PIP4K2A: variants seen among roughly 807,000 people sequenced by gnomAD.
PIP4K2A encodes phosphatidylinositol-5-phosphate 4-kinase type 2 alpha.
Under a neutral mutation model 42.9 loss-of-function variants are expected in PIP4K2A, and 14 were observed. The observed-to-expected ratio is 0.33, with a 90% CI of 0.22 to 0.51. The LOEUF is 0.51. Among genes scored for constraint, PIP4K2A ranks in the 20% least tolerant of loss-of-function variants. The pLI is 0.97. For synonymous variants in PIP4K2A, 192 were observed against 192.2 expected, an observed-to-expected ratio of 1.00 and a Z score of 0.01; for missense variants, 434 against 519.8, an observed-to-expected ratio of 0.83 and a Z score of 1.61.
intron 6 of PIP4K2A, among the ~76,000 whole-genome samples, chr10:22,557,492 G>A (rs1836582226): frequency 6.6e-6 from 1 of 152,168 alleles, no homozygotes; most frequent in South Asian, 2.1e-4. Context: ...ACGTGTATGT[G>A]TACATATGTG....
intron 1 of PIP4K2A, among the ~76,000 whole-genome samples, chr10:22,657,268 T>C (rs958536411): frequency 9.2e-5 from 14 of 152,210 alleles, no homozygotes; most frequent in Non-Finnish European, 1.3e-4. Flanking sequence ...CCCTCTGCAA[T>C]GGGATGCCTT....
At chr10:22,554,821 C>T (rs553492251) in intron 6 of PIP4K2A, among the ~76,000 whole-genome samples, 69 of 152,334 alleles carry the variant, frequency 4.5e-4, no homozygotes, top group Non-Finnish European at 6.5e-4. Flanking sequence ...CTCCTCTGTG[C>T]GTCTAGTCCT....
intron 1 of PIP4K2A, among the ~76,000 whole-genome samples, chr10:22,653,545 C>G (rs1045028583): frequency 2.1e-4 from 32 of 152,188 alleles, no homozygotes; most frequent in Non-Finnish European, 4.6e-4. Context: ...GGGAGGCAGA[C>G]AGAAGAAAGG....
At chr10:22,560,360 C>T (rs1005137640) in intron 6 of PIP4K2A, among the ~76,000 whole-genome samples, 2 of 152,158 alleles carry the variant, frequency 1.3e-5, no homozygotes, top group African/African-American at 4.8e-5. Context: ...CACCTCACTT[C>T]AATGGCAGCC....
intron 1 of PIP4K2A, among the ~76,000 whole-genome samples, chr10:22,713,547 G>A (rs1473510665): frequency 6.6e-6 from 1 of 152,232 alleles, no homozygotes; most frequent in Non-Finnish European, 1.5e-5. Context: ...CCCGACGCCA[G>A]AGCCATATTT....
intron 6 of PIP4K2A, among the ~76,000 whole-genome samples, chr10:22,559,562 G>A (rs960768555): frequency 9.2e-5 from 14 of 152,070 alleles, no homozygotes; most frequent in Non-Finnish European, 1.9e-4. Context: ...TACCAGTTAC[G>A]AGATATTCTA....
chr10:22,655,442 C>T (rs190825016), intron 1 of PIP4K2A, among the ~76,000 whole-genome samples: 7 of 152,240 alleles, frequency 4.6e-5, no homozygotes, highest in African/African-American at 9.7e-5. Context: ...ACAAGCCTGA[C>T]GCCCCATATT....
At chr10:22,713,985 G>T in intron 1 of PIP4K2A, 198 bp downstream of exon 1, 1 of 521,052 alleles carries the variant, frequency 1.9e-6, no homozygotes, top group Non-Finnish European at 3.4e-6. Context: ...TAAAGGGGAC[G>T]CAAGTGGTGG....
At chr10:22,549,856 A>G (rs1836356774) in intron 7 of PIP4K2A, among the ~76,000 whole-genome samples, 1 of 80,262 alleles carries the variant, frequency 1.2e-5, no homozygotes, top group African/African-American at 4.1e-5. Flanking sequence ...AAAAAAAAAA[A>G]AAAAAAAAAA....
intron 4 of PIP4K2A, among the ~76,000 whole-genome samples, chr10:22,576,926 T>TAGCC (rs1396659592): frequency 6.6e-6 from 1 of 151,718 alleles, no homozygotes; most frequent in Non-Finnish European, 1.5e-5. Context: ...ATACAAAAAT[T>TAGCC]AGCCAGATGT....
chr10:22,597,118 G>A (rs758540916), intron 3 of PIP4K2A, among the ~76,000 whole-genome samples: 2 of 152,230 alleles, frequency 1.3e-5, no homozygotes, highest in Non-Finnish European at 2.9e-5. Flanking sequence ...ATTAACATGT[G>A]TACAAAGCTA....
At chr10:22,589,375 A>G (rs1270258569) in intron 4 of PIP4K2A, among the ~76,000 whole-genome samples, 3 of 152,250 alleles carry the variant, frequency 2.0e-5, no homozygotes, top group Admixed American at 6.5e-5. Flanking sequence ...CCTCACAGGT[A>G]GCATCCTGGC....
intron 1 of PIP4K2A, among the ~76,000 whole-genome samples, chr10:22,612,575 G>A (rs572186044): frequency 2.0e-5 from 3 of 152,354 alleles, no homozygotes; most frequent in Admixed American, 6.5e-5. Flanking sequence ...ACCAGACAGA[G>A]GAGAGCAGCT....
rs143696456 is a variant in PIP4K2A, at chr10:22,671,745, T to TACACACAC, written c.144+42430_144+42437dup. Among the ~76,000 whole-genome samples, 1,295 of 144,664 alleles carry TACACACAC rather than the reference T, an allele frequency of 9.0e-3. 20 individuals carry two copies. Among genetic ancestry groups the TACACACAC allele is most frequent in the African/African-American group, 0.031 (1,220 of 39,658 alleles). 94.9% of individuals were successfully genotyped at this position (144,664 alleles called of 152,430 possible). A position where few individuals can be genotyped will look rare whatever the true frequency, so the allele number is the denominator to read the frequency against. On this transcript the variant is annotated intron_variant, in intron 1 of 9. Coordinates refer to ENST00000376573, the MANE Select transcript of PIP4K2A (RefSeq NM_005028.5). ...TGAATTTTCTGATTTACTTGGAAAA[T>TACACACAC]ACACACACACACACACACACACACA...
chr10:22,601,743 C>T (rs1167897832), intron 3 of PIP4K2A, among the ~76,000 whole-genome samples: 1 of 152,212 alleles, frequency 6.6e-6, no homozygotes, highest in Non-Finnish European at 1.5e-5. Flanking sequence ...AGAGTTGTGA[C>T]CCAGAATGCC....
At chr10:22,652,830 A>G (rs1371278952) in intron 1 of PIP4K2A, among the ~76,000 whole-genome samples, 3 of 152,246 alleles carry the variant, frequency 2.0e-5, no homozygotes, top group Non-Finnish European at 4.4e-5. Context: ...GCAGTGGCTC[A>G]CGCCTACAAG....
chr10:22,560,975 C>T (rs1836678216), intron 6 of PIP4K2A, among the ~76,000 whole-genome samples: 1 of 152,184 alleles, frequency 6.6e-6, no homozygotes, highest in African/African-American at 2.4e-5. Context: ...CATGCTAAGA[C>T]TGTCATTTGT....
In PIP4K2A at chr10:22,573,394, C is replaced by T; in HGVS notation, c.556G>A (p.Val186Ile). 3 of 1,613,762 alleles carry T rather than the reference C, an allele frequency of 1.9e-6. No homozygotes were observed. The highest frequency in any genetic ancestry group is 2.5e-6 in the Non-Finnish European group (3 of 1,179,676). ...PQFLGMYRLN[V>I]DGVEIYVIVT... ...ATCACATATATTTCAACTCCATCAA[C>T]ATTAAGCCGGTACATGCCCAAGAAC... The change falls in exon 5 of 10, where the codon GTT (valine) becomes ATT (isoleucine). Residue 186 changes from valine (V) to isoleucine (I), a missense_variant. Val to Ile is a conservative substitution (Grantham distance 29). Around this residue, in one of 2 missense-constraint regions of PIP4K2A, gnomAD observed 395 missense variants for 444.5 expected, o/e 0.89. Coordinates refer to ENST00000376573, the MANE Select transcript of PIP4K2A (RefSeq NM_005028.5).
At position 22,664,048 on chromosome 10, in the gene PIP4K2A, CATATGT is replaced by C. The variant is rs1474609125; in HGVS notation, c.144+50129_144+50134del. ...ATATATATACATATATATATATATACATATGTATATATACATATATATATATACGTA... is the reference window on the plus strand; with the variant it reads ...ATATATATACATATATATATATATACATATATACATATATATATATACGTA... On this transcript the variant is annotated intron_variant, in intron 1 of 9. Transcript: ENST00000376573. 2.6e-5 allele frequency among the ~76,000 whole-genome samples: 2 copies of C among 76,832 alleles called. 1 individual carries two copies. The highest frequency in any genetic ancestry group is 2.1e-4 in the African/African-American group (2 of 9,430). The allele number at this position is 76,832 out of a possible 152,430, so 50.4% of individuals were successfully genotyped here.
Sources: allele counts gnomAD v4.1 joint callset (sites outside exome capture counted in the v4.1 genomes callset), GRCh38; gene constraint gnomAD v4.1.1; regional missense constraint gnomAD v4.1.1; transcripts MANE v1.5; gene names NCBI Gene and HGNC (gene_info 2026-07-23, HGNC 2026-07-21).